SYT16: variants seen among roughly 807,000 people sequenced by gnomAD.
SYT16 encodes synaptotagmin-16.
SYT16 carries 42 observed loss-of-function variants against 61.4 expected under a neutral mutation model. The ratio of observed to expected loss-of-function variants is 0.68; its 90% CI spans 0.53 to 0.89. The LOEUF is 0.89. SYT16 is among the 40% of genes least tolerant of loss of function. The pLI, the probability that SYT16 is intolerant of heterozygous loss-of-function variation, is 0.00. For synonymous variants in SYT16, 314 were observed against 302.3 expected (o/e 1.04, Z -0.40); for missense variants, 804 against 807.3 (o/e 1.00, Z 0.05).
chr14:62,091,206 G>A (rs2057060846), intron 7 of SYT16, among the ~76,000 whole-genome samples: 1 of 152,146 alleles, frequency 6.6e-6, no homozygotes, highest in Non-Finnish European at 1.5e-5. Context: ...GAGGACAATG[G>A]GAAAAGAATA....
chr14:61,822,816 A>G (rs1006436371), intron 1 of SYT16, among the ~76,000 whole-genome samples: 13 of 152,182 alleles, frequency 8.5e-5, no homozygotes, highest in African/African-American at 2.7e-4. Flanking sequence ...TGATGCTCTG[A>G]AACTCAGGTT....
At chr14:62,084,948 G>T (rs2056836743) in intron 7 of SYT16, among the ~76,000 whole-genome samples, 1 of 152,208 alleles carries the variant, frequency 6.6e-6, no homozygotes, top group Non-Finnish European at 1.5e-5. Context: ...GAATGCACAA[G>T]AAATGTTAAT....
chr14:62,099,923 C>G (rs951447795), intron 7 of SYT16, among the ~76,000 whole-genome samples: 2 of 152,076 alleles, frequency 1.3e-5, no homozygotes, highest in African/African-American at 2.4e-5. Context: ...CACACACATG[C>G]ACACACACAT....
intron 1 of SYT16, among the ~76,000 whole-genome samples, chr14:61,963,156 T>TA (rs2051180618): frequency 6.6e-6 from 1 of 152,150 alleles, no homozygotes; most frequent in Non-Finnish European, 1.5e-5. Context: ...ATATTAAAAT[T>TA]AGGCCAATTA....
chr14:61,887,134 A>G (rs2047939714), intron 1 of SYT16, among the ~76,000 whole-genome samples: 1 of 152,208 alleles, frequency 6.6e-6, no homozygotes, highest in South Asian at 2.1e-4. Flanking sequence ...AAGCATGTAA[A>G]TAACGTTGAT....
At chr14:61,842,379 C>T (rs938147577) in intron 1 of SYT16, among the ~76,000 whole-genome samples, 1 of 152,012 alleles carries the variant, frequency 6.6e-6, no homozygotes, top group Non-Finnish European at 1.5e-5. Flanking sequence ...TCCATGAGTT[C>T]GATTGCTTTG....
At position 61,940,067 on chromosome 14, in the gene SYT16, A is replaced by G. The variant is rs566387779; in HGVS notation, c.-324-30065A>G. 2.6e-5 allele frequency among the ~76,000 whole-genome samples: 4 copies of G among 152,252 alleles called. No homozygotes were observed. The South Asian group carries it at 6.2e-4, about 24-fold the overall frequency. Reference sequence around the variant, plus strand: ...TTATTGCAGTCAACTGTTTATGTGCATGATAATTTTTATAATGATGTGAGG... The same window carrying G: ...TTATTGCAGTCAACTGTTTATGTGCGTGATAATTTTTATAATGATGTGAGG... On this transcript the variant is annotated intron_variant, in intron 1 of 7. Coordinates refer to ENST00000683842, the MANE Select transcript of SYT16 (RefSeq NM_001367656.1).
chr14:61,939,487 G>A (rs891554493), intron 1 of SYT16, among the ~76,000 whole-genome samples: 13 of 152,290 alleles, frequency 8.5e-5, no homozygotes, highest in African/African-American at 1.4e-4. Flanking sequence ...CAAGGTGTCC[G>A]CATGATTGGA....
At chr14:61,932,054 C>A (rs1366482198) in intron 1 of SYT16, among the ~76,000 whole-genome samples, 6 of 152,142 alleles carry the variant, frequency 3.9e-5, no homozygotes. Context: ...CAAAGGTGAC[C>A]AGAGGACAAT....
At position 61,943,228 on chromosome 14, in the gene SYT16, A is replaced by G. The variant is rs142868111; in HGVS notation, c.-324-26904A>G. Among the ~76,000 whole-genome samples the G allele has an allele frequency of 9.6e-3, 1,463 of 152,304 alleles. 8 individuals are homozygous for G. The highest frequency in any genetic ancestry group is 0.024 in the Middle Eastern group (7 of 294). On this transcript the variant is annotated intron_variant, in intron 1 of 7. Transcript: ENST00000683842. The stretch of plus-strand genomic sequence containing the variant: ...AGACCAGTAACAAGTTCTGAAATTG[A>G]GGTAGTAATTAATAGCCTACCAACC...
chr14:61,933,770 G>A (rs955887277), intron 1 of SYT16, among the ~76,000 whole-genome samples: 2 of 152,086 alleles, frequency 1.3e-5, no homozygotes, highest in Non-Finnish European at 2.9e-5. Context: ...CTGGCAAAGC[G>A]TTTGGACATT....
At chr14:61,941,552 G>C (rs1418225508) in intron 1 of SYT16, among the ~76,000 whole-genome samples, 1 of 152,074 alleles carries the variant, frequency 6.6e-6, no homozygotes, top group South Asian at 2.1e-4. Flanking sequence ...GCACAATCCT[G>C]TCCTCCATGA....
intron 3 of SYT16, among the ~76,000 whole-genome samples, chr14:62,053,546 C>T (rs1409228856): frequency 6.6e-6 from 1 of 152,188 alleles, no homozygotes; most frequent in Non-Finnish European, 1.5e-5. Context: ...CCTATTGATT[C>T]TATTTCTCTG....
intron 1 of SYT16, among the ~76,000 whole-genome samples, chr14:61,923,128 G>C (rs1393484921): frequency 6.6e-6 from 1 of 151,914 alleles, no homozygotes; most frequent in Non-Finnish European, 1.5e-5. Flanking sequence ...GAAGAGAATG[G>C]CTCTTATAAA....
intron 1 of SYT16, among the ~76,000 whole-genome samples, chr14:61,922,902 A>T (rs1216086220): frequency 6.6e-6 from 1 of 152,126 alleles, no homozygotes; most frequent in African/African-American, 2.4e-5. Flanking sequence ...ACAAAAAATT[A>T]TCTGGGTGTA....
intron 1 of SYT16, among the ~76,000 whole-genome samples, chr14:61,848,648 CCTT>C (rs945069287): frequency 1.3e-5 from 2 of 152,140 alleles, no homozygotes; most frequent in Non-Finnish European, 2.9e-5. Context: ...AAACTTGTGT[CCTT>C]CTCTTCAGTG....
chr14:62,057,437 A>G (rs914972913), intron 3 of SYT16, among the ~76,000 whole-genome samples: 2 of 152,126 alleles, frequency 1.3e-5, no homozygotes, highest in Admixed American at 6.5e-5. Flanking sequence ...AACTAGAGAC[A>G]TGGGGGTAGG....
intron 1 of SYT16, among the ~76,000 whole-genome samples, chr14:61,841,814 C>T (rs1205782946): frequency 2.6e-5 from 4 of 152,132 alleles, no homozygotes; most frequent in Non-Finnish European, 5.9e-5. Flanking sequence ...TAATGGCCTC[C>T]AGTTCCATCC....
At chr14:61,919,721 A>G (rs1005400887) in intron 1 of SYT16, among the ~76,000 whole-genome samples, 2 of 16,628 alleles carry the variant, frequency 1.2e-4, no homozygotes, top group Non-Finnish European at 2.6e-4. Context: ...AGCAACCTTA[A>G]TTCCATCTGC....
Sources: gnomAD v4.1 joint callset for allele counts (sites outside exome capture counted in the v4.1 genomes callset) on GRCh38, gnomAD v4.1.1 for gene constraint, MANE v1.5 for transcripts, NCBI Gene and HGNC (gene_info 2026-07-23, HGNC 2026-07-21) for gene names.